PDE3A: variants seen among roughly 807,000 people sequenced by gnomAD.
PDE3A encodes the protein cGMP-inhibited 3',5'-cyclic phosphodiesterase 3A.
Under a neutral mutation model 98.3 loss-of-function variants are expected in PDE3A, and 43 were observed. The observed-to-expected ratio is 0.44, with a 90% CI of 0.34 to 0.56. The LOEUF (loss-of-function observed/expected upper bound fraction) is 0.56, where lower values mean the gene tolerates loss of function less well. Among genes scored for constraint, PDE3A ranks in the 20% least tolerant of loss-of-function variants. The pLI is 0.01. For synonymous variants in PDE3A, 663 were observed against 567.9 expected (o/e 1.17, Z -2.38); for missense variants, 1,427 against 1,440.7 (o/e 0.99, Z 0.15).
chr12:20,590,822 C>T (rs1217556777), intron 2 of PDE3A, among the ~76,000 whole-genome samples: 1 of 152,082 alleles, frequency 6.6e-6, no homozygotes, highest in Admixed American at 6.5e-5. Flanking sequence ...TATACTTGGG[C>T]CTAAATCCCA....
intron 1 of PDE3A, among the ~76,000 whole-genome samples, chr12:20,433,576 C>T (rs1359062830): frequency 6.6e-6 from 1 of 151,988 alleles, no homozygotes; most frequent in East Asian, 1.9e-4. Context: ...ATTTTGTCTG[C>T]AATCTGGTTT....
chr12:20,595,478 T>C (rs1301289406), intron 2 of PDE3A, among the ~76,000 whole-genome samples: 1 of 152,306 alleles, frequency 6.6e-6, no homozygotes, highest in South Asian at 2.1e-4. Context: ...CAAATGTCTT[T>C]GGACCTATTT....
intron 1 of PDE3A, among the ~76,000 whole-genome samples, chr12:20,508,354 A>T (rs1946155398): frequency 6.6e-6 from 1 of 151,866 alleles, no homozygotes; most frequent in Admixed American, 6.6e-5. Context: ...AACACATGCT[A>T]AAATTTACTC....
chr12:20,493,797 A>AT, intron 1 of PDE3A, among the ~76,000 whole-genome samples: 1 of 152,214 alleles, frequency 6.6e-6, no homozygotes, highest in Middle Eastern at 3.4e-3. Context: ...AGCCCAGCTA[A>AT]TTTTGTATTT....
At chr12:20,392,916 T>C (rs992109556) in intron 1 of PDE3A, among the ~76,000 whole-genome samples, 8 of 151,972 alleles carry the variant, frequency 5.3e-5, no homozygotes, top group Non-Finnish European at 1.0e-4. Context: ...TGTGGGAGCC[T>C]AAAAAGTGGA....
intron 2 of PDE3A, among the ~76,000 whole-genome samples, chr12:20,583,547 G>C (rs1351067525): frequency 1.3e-5 from 2 of 152,082 alleles, no homozygotes; most frequent in Non-Finnish European, 2.9e-5. Flanking sequence ...TAGAGTTGCA[G>C]ACTGCCTGGG....
intron 10 of PDE3A, among the ~76,000 whole-genome samples, chr12:20,643,660 G>A (rs924245507): frequency 5.3e-5 from 8 of 151,864 alleles, no homozygotes; most frequent in Admixed American, 6.6e-5. Context: ...ACCTGTACTC[G>A]AAAGCAAAAG....
intron 15 of PDE3A, 84 bp from the exon 16 acceptor site, chr12:20,679,946 A>T (rs1284280681): frequency 4.5e-6 from 3 of 662,634 alleles, no homozygotes; most frequent in African/African-American, 4.5e-5. Context: ...AACTCCTCTT[A>T]ATTATCTGAA....
At chr12:20,551,794 G>A (rs1180651998) in intron 1 of PDE3A, 1 of 1,613,880 alleles carries the variant, frequency 6.2e-7, no homozygotes, top group Admixed American at 1.7e-5. Flanking sequence ...GATGGCCTCG[G>A]CCACATCGTC....
intron 1 of PDE3A, among the ~76,000 whole-genome samples, chr12:20,460,394 C>T (rs148561415): frequency 4.6e-5 from 7 of 152,160 alleles, no homozygotes; most frequent in East Asian, 1.9e-4. Context: ...TGGCTGAAAG[C>T]GTACAATGTA....
intron 1 of PDE3A, among the ~76,000 whole-genome samples, chr12:20,482,892 C>T (rs1443422669): frequency 3.9e-5 from 6 of 152,134 alleles, no homozygotes; most frequent in African/African-American, 1.4e-4. Flanking sequence ...AGCAATGTTT[C>T]ATGTTTCTGT....
At chr12:20,619,752 A>G (rs1331845907) in intron 4 of PDE3A, among the ~76,000 whole-genome samples, 5 of 152,102 alleles carry the variant, frequency 3.3e-5, no homozygotes, top group Non-Finnish European at 7.4e-5. Context: ...AGGTCATACC[A>G]CATTTCAAAT....
chr12:20,376,977 A>G (rs1943583182), intron 1 of PDE3A, among the ~76,000 whole-genome samples: 1 of 151,850 alleles, frequency 6.6e-6, no homozygotes, highest in African/African-American at 2.4e-5. Context: ...TCCTGCTAAC[A>G]TAATAATAAT....
chr12:20,667,549 T>C (rs1945347545), intron 15 of PDE3A, among the ~76,000 whole-genome samples: 1 of 152,222 alleles, frequency 6.6e-6, no homozygotes, highest in South Asian at 2.1e-4. Context: ...TCAATATATG[T>C]TCTTGGCACC....
intron 1 of PDE3A, among the ~76,000 whole-genome samples, chr12:20,483,341 A>G (rs1394361004): frequency 2.6e-5 from 4 of 152,146 alleles, no homozygotes; most frequent in African/African-American, 9.7e-5. Context: ...GTGAGCCGAG[A>G]TCGCACCACT....
chr12:20,430,933 T>C (rs1048599337), intron 1 of PDE3A, among the ~76,000 whole-genome samples: 1 of 152,172 alleles, frequency 6.6e-6, no homozygotes, highest in Non-Finnish European at 1.5e-5. Context: ...GCTATAGATA[T>C]CTTACCCGTC....
chr12:20,501,542 C>T (rs935680828), intron 1 of PDE3A, among the ~76,000 whole-genome samples: 3 of 152,114 alleles, frequency 2.0e-5, no homozygotes, highest in African/African-American at 2.4e-5. Flanking sequence ...AGGAGTAAAA[C>T]TTTCTATTTA....
chr12:20,413,508 C>T (rs180715293), intron 1 of PDE3A, among the ~76,000 whole-genome samples: 87 of 152,134 alleles, frequency 5.7e-4, no homozygotes, highest in Non-Finnish European at 1.2e-3. Context: ...GTGGACACCC[C>T]CTGCCTAGGA....
intron 3 of PDE3A, among the ~76,000 whole-genome samples, chr12:20,615,454 C>A (rs995944800): frequency 2.6e-5 from 4 of 152,108 alleles, no homozygotes; most frequent in Non-Finnish European, 5.9e-5. Flanking sequence ...TTATGAAAGA[C>A]TTGAGCTCCT....
Sources: allele counts gnomAD v4.1 joint callset (sites outside exome capture counted in the v4.1 genomes callset), GRCh38; gene constraint gnomAD v4.1.1; transcripts MANE v1.5; gene names NCBI Gene and HGNC (gene_info 2026-07-23, HGNC 2026-07-21).